DENND4C: variants seen among roughly 807,000 people sequenced by gnomAD.
DENND4C encodes DENN domain containing 4C.
Under a neutral mutation model 203.0 loss-of-function variants are expected in DENND4C, and 108 were observed. The ratio of observed to expected loss-of-function variants is 0.53; its 90% CI spans 0.46 to 0.62. The LOEUF (loss-of-function observed/expected upper bound fraction) is 0.62. Among genes scored for constraint, DENND4C ranks in the 20% least tolerant of loss-of-function variants. The pLI, the probability that DENND4C is intolerant of heterozygous loss-of-function variation, is 0.00. For missense variants in DENND4C, 2,481 were observed against 2,301.2 expected, an observed-to-expected ratio of 1.08 and a Z score of -1.60; for synonymous variants, 871 against 792.4, an observed-to-expected ratio of 1.10 and a Z score of -1.67.
intron 10 of DENND4C, among the ~76,000 whole-genome samples, chr9:19,310,893 C>G (rs1239583235): frequency 1.3e-5 from 2 of 151,964 alleles, no homozygotes; most frequent in Non-Finnish European, 2.9e-5. Flanking sequence ...GTAGACAGTC[C>G]TTGTATTCCT....
chr9:19,235,242 G>C (rs1821642779), intron 1 of DENND4C, among the ~76,000 whole-genome samples: 1 of 152,316 alleles, frequency 6.6e-6, no homozygotes, highest in Non-Finnish European at 1.5e-5. Flanking sequence ...TGGGATTACA[G>C]GCGTGAGCCA....
intron 20 of DENND4C, among the ~76,000 whole-genome samples, chr9:19,337,995 T>C (rs746715439): frequency 4.6e-5 from 7 of 152,198 alleles, no homozygotes; most frequent in Admixed American, 1.3e-4. Context: ...TAAGGTGGTG[T>C]GGCCATTGCT....
At chr9:19,325,557 A>C (rs1444557376) in intron 13 of DENND4C, among the ~76,000 whole-genome samples, 1 of 152,188 alleles carries the variant, frequency 6.6e-6, no homozygotes. Flanking sequence ...AATTAAAACT[A>C]TTCAACATTT....
chr9:19,314,091 GA>G (rs1337826329), intron 10 of DENND4C, among the ~76,000 whole-genome samples: 2 of 150,850 alleles, frequency 1.3e-5, no homozygotes, highest in Admixed American at 6.6e-5. Context: ...CAAGAGAGGG[GA>G]AAAAAAAGAA....
At chr9:19,360,189 T>G (rs1435713325) in intron 28 of DENND4C, 55 bp from the exon 29 acceptor site, 3 of 1,555,558 alleles carry the variant, frequency 1.9e-6, no homozygotes, top group Non-Finnish European at 2.6e-6. Context: ...AGAAGTGCTC[T>G]TGAGCATACA....
intron 8 of DENND4C, 62 bp from the exon 9 acceptor site, chr9:19,300,125 A>T: frequency 6.8e-7 from 1 of 1,474,244 alleles, no homozygotes; most frequent in Non-Finnish European, 9.2e-7. Flanking sequence ...TTAATAAGCA[A>T]ATCTTAACAT....
chr9:19,345,646 T>G (rs1304700947), intron 22 of DENND4C, among the ~76,000 whole-genome samples: 1 of 152,250 alleles, frequency 6.6e-6, no homozygotes, highest in African/African-American at 2.4e-5. Context: ...CACAGGTATA[T>G]CCATCTATCA....
At chr9:19,245,285 G>A (rs181275405) in intron 1 of DENND4C, among the ~76,000 whole-genome samples, 2,213 of 151,556 alleles carry the variant, frequency 0.015, 48 homozygotes, top group African/African-American at 0.051. Context: ...TGGCTAACAA[G>A]GTGAAACCCC....
At chr9:19,321,665 C>T (rs201556196) in intron 12 of DENND4C, among the ~76,000 whole-genome samples, 2 of 151,214 alleles carry the variant, frequency 1.3e-5, no homozygotes, top group East Asian at 3.9e-4. Flanking sequence ...GCAAACATGG[C>T]GAAACCCTGT....
chr9:19,361,996 A>G, intron 30 of DENND4C, 33 bp downstream of exon 30: 1 of 1,372,042 alleles, frequency 7.3e-7, no homozygotes, highest in Non-Finnish European at 1.0e-6. Flanking sequence ...CATAACAGCC[A>G]GGTGCAGTGG....
At chr9:19,325,843 AG>A in intron 13 of DENND4C, 95 bp from the exon 14 acceptor site, 1 of 1,150,246 alleles carries the variant, frequency 8.7e-7, no homozygotes, top group Non-Finnish European at 1.3e-6. Context: ...GGTACTGAAA[AG>A]GGGTAGTTTT....
At chr9:19,313,161 G>T (rs1397809955) in intron 10 of DENND4C, among the ~76,000 whole-genome samples, 2 of 151,584 alleles carry the variant, frequency 1.3e-5, no homozygotes, top group African/African-American at 4.8e-5. Context: ...TTCCTTTAAT[G>T]ATTCCTCTTA....
chr9:19,347,234 G>T, intron 23 of DENND4C, 148 bp downstream of exon 23: 1 of 741,966 alleles, frequency 1.3e-6, no homozygotes, highest in Non-Finnish European at 2.1e-6. Context: ...CTGCCTCCCG[G>T]CTTTGAGCGA....
intron 1 of DENND4C, among the ~76,000 whole-genome samples, chr9:19,251,940 C>G (rs1826712445): frequency 6.6e-6 from 1 of 152,206 alleles, no homozygotes; most frequent in African/African-American, 2.4e-5. Flanking sequence ...TCTGAGCCCT[C>G]CAAACTGTTC....
intron 2 of DENND4C, among the ~76,000 whole-genome samples, chr9:19,279,439 C>T (rs986666757): frequency 3.0e-4 from 46 of 152,012 alleles, no homozygotes; most frequent in Middle Eastern, 3.4e-3. Context: ...CTTTGGGAGG[C>T]GGAGGCAAGC....
chr9:19,287,087 T>G lies in DENND4C; in HGVS notation c.558+66T>G, dbSNP rs935155471. 9 of 1,208,262 alleles carry G rather than the reference T, an allele frequency of 7.4e-6. No homozygotes were observed. In the African/African-American group the frequency reaches 1.4e-4, roughly 19 times the overall value. The allele number at this position is 1,208,262 out of a possible 1,614,324, so 74.8% of individuals were successfully genotyped here. ...CAAAAAGGGATACGTTTTGGATTCC[T>G]GTTTACTGTTGGGTATATACTCACA... On this transcript the variant is annotated intron_variant, in intron 3 of 32. Coordinates refer to ENST00000434457, the MANE Select transcript of DENND4C (RefSeq NM_001330640.2).
chr9:19,319,365 C>T (rs1304594515), intron 12 of DENND4C, among the ~76,000 whole-genome samples: 2,006 of 111,910 alleles, frequency 0.018, 72 homozygotes, highest in African/African-American at 0.081. Context: ...TATATACACA[C>T]ATATATATAC....
Position 19,372,112 on chromosome 9 carries a change from A to T in DENND4C, c.5816A>T (p.Asp1939Val), listed in dbSNP as rs750638956. ...SEILERLQKI[D>V]APPSASVEWC... is the part of the protein sequence containing the mutation. ...ATTCTTGAAAGGTTGCAGAAAATTG[A>T]TGCTCCACCAAGTGCCAGTGTCGAG... is the stretch of plus-strand genomic sequence containing the variant. The change falls in exon 33 of 33, where the codon GAT becomes GTT. Residue 1939 changes from aspartate to valine, a missense_variant. Asp to Val is a radical substitution (Grantham distance 152). This residue lies in a region of DENND4C where 2,289 missense variants were observed against 2,113.3 expected (regional missense o/e 1.08). Transcript: ENST00000434457. 6.2e-7 allele frequency: 1 copy of T among 1,614,068 alleles called. No individual in the cohort carries two copies. The highest frequency in any genetic ancestry group is 8.5e-7 in the Non-Finnish European group (1 of 1,179,976).
intron 18 of DENND4C, among the ~76,000 whole-genome samples, chr9:19,335,891 G>A (rs1446639307): frequency 6.6e-6 from 1 of 152,018 alleles, no homozygotes; most frequent in African/African-American, 2.4e-5. Context: ...TAGGATTGCT[G>A]GATGATATGG....
Sources: gnomAD v4.1 joint callset for allele counts (sites outside exome capture counted in the v4.1 genomes callset) on GRCh38, gnomAD v4.1.1 for gene constraint, gnomAD v4.1.1 regional missense constraint, MANE v1.5 for transcripts, NCBI Gene and HGNC (gene_info 2026-07-23, HGNC 2026-07-21) for gene names.